The following DLGAP1 variants were observed in gnomAD, a reference collection of about 807,000 sequenced individuals.
DLGAP1 encodes the protein disks large-associated protein 1.
In DLGAP1, 11 loss-of-function variants were observed where a neutral mutation model predicts 90.8. The observed-to-expected ratio is 0.12, with a 90% confidence interval of 0.08 to 0.20. The LOEUF is 0.20. Among genes scored for constraint, DLGAP1 ranks in the 10% least tolerant of loss-of-function variants. The pLI is 1.00. For missense variants in DLGAP1, 1,050 were observed against 1,333.8 expected (o/e 0.79, Z 3.31); for synonymous variants, 558 against 540.7 (o/e 1.03, Z -0.44).
intron 7 of DLGAP1, among the ~76,000 whole-genome samples, chr18:3,650,830 A>G (rs1263966121): frequency 6.6e-6 from 1 of 152,156 alleles, no homozygotes; most frequent in African/African-American, 2.4e-5. Context: ...GCACTTTGGG[A>G]GGCCAAGGTG....
chr18:3,558,143 G>A (rs1255771602), intron 9 of DLGAP1, among the ~76,000 whole-genome samples: 1 of 152,160 alleles, frequency 6.6e-6, no homozygotes, highest in Non-Finnish European at 1.5e-5. Context: ...GTCCATTTCT[G>A]ATAGAGAATT....
intron 1 of DLGAP1, among the ~76,000 whole-genome samples, chr18:4,175,895 G>A (rs1480093333): frequency 6.6e-6 from 1 of 152,150 alleles, no homozygotes; most frequent in African/African-American, 2.4e-5. Context: ...GCTTAGGATT[G>A]TCTTGGCTGT....
intron 3 of DLGAP1, among the ~76,000 whole-genome samples, chr18:3,943,089 C>T (rs765474396): frequency 1.4e-4 from 22 of 152,054 alleles, no homozygotes; most frequent in Non-Finnish European, 2.9e-4. Context: ...TTTCTTTGTG[C>T]TCTCCATTCG....
intron 10 of DLGAP1, among the ~76,000 whole-genome samples, chr18:3,524,733 A>G (rs754917756): frequency 6.6e-6 from 1 of 152,162 alleles, no homozygotes; most frequent in Non-Finnish European, 1.5e-5. Context: ...TAAATAAATG[A>G]AAGTCATGTG....
intron 1 of DLGAP1, among the ~76,000 whole-genome samples, chr18:4,356,041 G>A (rs575418408): frequency 6.6e-6 from 1 of 151,836 alleles, no homozygotes; most frequent in East Asian, 1.9e-4. Context: ...CTAGGGGTCA[G>A]CTATTCATCT....
intron 7 of DLGAP1, among the ~76,000 whole-genome samples, chr18:3,638,400 G>T (rs1035040432): frequency 1.3e-5 from 2 of 151,810 alleles, no homozygotes; most frequent in African/African-American, 2.4e-5. Flanking sequence ...GACTTGTACC[G>T]CCATGCCTGG....
At chr18:3,678,700 A>G (rs4797119) in intron 7 of DLGAP1, among the ~76,000 whole-genome samples, 49,529 of 152,112 alleles carry the variant, frequency 0.33, 8,457 homozygotes, top group East Asian at 0.58. Flanking sequence ...ATTATACCAC[A>G]CAACTTAATT....
At chr18:4,294,611 C>T (rs2079930590) in intron 1 of DLGAP1, 1 of 152,250 alleles carries the variant, frequency 6.6e-6, no homozygotes, top group Non-Finnish European at 1.5e-5. Context: ...TTCCCAAAAC[C>T]CAAGTGGGCA....
chr18:4,428,511 G>A (rs2083206586), intron 1 of DLGAP1, among the ~76,000 whole-genome samples: 1 of 152,000 alleles, frequency 6.6e-6, no homozygotes, highest in Admixed American at 6.5e-5. Context: ...GAACCTGGGA[G>A]GCGAAGGTTG....
intron 7 of DLGAP1, among the ~76,000 whole-genome samples, chr18:3,704,858 A>G (rs540310923): frequency 4.4e-4 from 67 of 152,358 alleles, no homozygotes; most frequent in African/African-American, 1.4e-3. Flanking sequence ...AATTAGAAGA[A>G]GAAAGAACAC....
chr18:4,112,777 A>G (rs2075996930), intron 2 of DLGAP1, among the ~76,000 whole-genome samples: 1 of 152,070 alleles, frequency 6.6e-6, no homozygotes, highest in Non-Finnish European at 1.5e-5. Context: ...CCTCTCCAGT[A>G]GTCACCAGTG....
At position 4,265,237 on chromosome 18, in the gene DLGAP1, C is replaced by T. The variant is rs867962668; in HGVS notation, c.-266-113950G>A. ...AGGCTGGAGTGCAGTGGCACGATCT[C>T]GGCTCACTGCAAGCTTCACCTCCCA... On this transcript the variant is annotated intron_variant, in intron 1 of 12. Transcript: ENST00000315677. 4.6e-4 allele frequency among the ~76,000 whole-genome samples: 69 copies of T among 151,232 alleles called. 1 individual carries two copies. Among genetic ancestry groups the T allele is most frequent in the African/African-American group, 1.7e-3 (69 of 41,012 alleles).
At chr18:4,136,731 C>G (rs1458160718) in intron 2 of DLGAP1, among the ~76,000 whole-genome samples, 1 of 152,102 alleles carries the variant, frequency 6.6e-6, no homozygotes, top group Non-Finnish European at 1.5e-5. Context: ...TGTACAGCAG[C>G]TTTTTAACTT....
intron 5 of DLGAP1, among the ~76,000 whole-genome samples, chr18:3,778,228 G>A (rs2065022743): frequency 6.6e-6 from 1 of 152,152 alleles, no homozygotes; most frequent in Admixed American, 6.5e-5. Context: ...ATCACCGGAG[G>A]TCAGGAGTTC....
At chr18:3,738,092 G>A (rs1484889084) in intron 6 of DLGAP1, among the ~76,000 whole-genome samples, 4 of 151,824 alleles carry the variant, frequency 2.6e-5, no homozygotes, top group Admixed American at 2.0e-4. Context: ...TCTTCAAGAA[G>A]AACTACAAAC....
At chr18:4,295,029 T>C (rs1241919549) in intron 1 of DLGAP1, 2 of 152,242 alleles carry the variant, frequency 1.3e-5, no homozygotes, top group Non-Finnish European at 2.9e-5. Context: ...GAGCCTGGGG[T>C]TCGGAGTTTA....
intron 3 of DLGAP1, among the ~76,000 whole-genome samples, chr18:3,927,820 T>TC (rs397946930): frequency 1.3e-5 from 2 of 152,170 alleles, no homozygotes; most frequent in Non-Finnish European, 2.9e-5. Context: ...ATGAATTTTT[T>TC]CCCAATATAA....
At chr18:3,724,911 A>AAAAAAAAACCCAACCAAAC (rs1295338183) in intron 7 of DLGAP1, among the ~76,000 whole-genome samples, 69 of 152,068 alleles carry the variant, frequency 4.5e-4, no homozygotes, top group African/African-American at 1.5e-3. Flanking sequence ...TCTCAAAAAA[A>AAAAAAAAACCCAACCAAAC]AAAAAAACCC....
At position 4,049,776 on chromosome 18, in the gene DLGAP1, A is replaced by T. The variant is rs536160204; in HGVS notation, c.-158-44575T>A. Among the ~76,000 whole-genome samples, 3 of 152,190 alleles carry T rather than the reference A, an allele frequency of 2.0e-5. No homozygotes were observed. In the East Asian group the frequency reaches 5.8e-4, roughly 29 times the overall value. On this transcript the variant is annotated intron_variant, in intron 2 of 12. Coordinates refer to ENST00000315677, the MANE Select transcript of DLGAP1 (RefSeq NM_004746.4). ...CTAGGTTTTTACTTTACCCTTGACT[A>T]TCATCATAATTGCCTCTGGGATTTT...
Sources: gnomAD v4.1 joint callset for allele counts (sites outside exome capture counted in the v4.1 genomes callset) on GRCh38, gnomAD v4.1.1 for gene constraint, MANE v1.5 for transcripts, NCBI Gene and HGNC (gene_info 2026-07-23, HGNC 2026-07-21) for gene names.